The following TRIM2 variants were observed in gnomAD, a reference collection of about 807,000 sequenced individuals.
TRIM2 encodes tripartite motif containing 2, also known as tripartite motif-containing protein 2.
TRIM2 carries 20 observed loss-of-function variants against 75.2 expected under a neutral mutation model. The ratio of observed to expected loss-of-function variants is 0.27; its 90% CI spans 0.19 to 0.39. The LOEUF (loss-of-function observed/expected upper bound fraction) is 0.39. TRIM2 is among the 10% of genes least tolerant of loss of function. The probability of loss-of-function intolerance (pLI) is 1.00; values close to 1 mark genes in which losing one functional copy is unlikely to be tolerated. For synonymous variants in TRIM2, 373 were observed against 388.3 expected, an observed-to-expected ratio of 0.96 and a Z score of 0.46; for missense variants, 660 against 990.8, an observed-to-expected ratio of 0.67 and a Z score of 4.48.
At chr4:153,298,690 A>G (rs1763248574) in intron 6 of TRIM2, among the ~76,000 whole-genome samples, 1 of 152,114 alleles carries the variant, frequency 6.6e-6, no homozygotes, top group Admixed American at 6.6e-5. Context: ...TATAGAGAAC[A>G]CTTACAATCC....
At chr4:153,167,418 C>T (rs915366874) in intron 1 of TRIM2, among the ~76,000 whole-genome samples, 11 of 152,054 alleles carry the variant, frequency 7.2e-5, no homozygotes. Context: ...AAAAACATAC[C>T]ATGATTTGAG....
At chr4:153,180,538 C>T (rs931885970) in intron 1 of TRIM2, among the ~76,000 whole-genome samples, 13 of 152,346 alleles carry the variant, frequency 8.5e-5, no homozygotes, top group Middle Eastern at 3.4e-3. Flanking sequence ...AGTCTTGCTG[C>T]GCAATCTTGG....
rs919048878 is a variant in TRIM2, at chr4:153,339,238, C to T, written c.*4272C>T. On this transcript the variant is annotated 3_prime_UTR_variant, in exon 12 of 12. Coordinates refer to ENST00000338700, the MANE Select transcript of TRIM2 (RefSeq NM_015271.5). ...ACTTTCAATTAATTCTGTCTTGAAA[C>T]ATAGGAGAAACAGGATTCATGTGTA... The T allele has an allele frequency of 1.0e-6, 1 of 969,712 alleles. No homozygotes were observed. Among genetic ancestry groups the T allele is most frequent in the Non-Finnish European group, 1.2e-6 (1 of 815,326 alleles). The allele number at this position is 969,712 out of a possible 1,614,324, so 60.1% of individuals were successfully genotyped here. A position where few individuals can be genotyped will look rare whatever the true frequency, so the allele number is the denominator to read the frequency against.
intron 1 of TRIM2, among the ~76,000 whole-genome samples, chr4:153,206,901 G>A (rs775635578): frequency 1.6e-4 from 25 of 151,954 alleles, no homozygotes; most frequent in Non-Finnish European, 4.4e-5. Flanking sequence ...TTAAATTTGA[G>A]ACAGGGTCTT....
At chr4:153,303,831 T>G (rs571373038) in intron 6 of TRIM2, among the ~76,000 whole-genome samples, 2 of 152,340 alleles carry the variant, frequency 1.3e-5, no homozygotes, top group South Asian at 2.1e-4. Context: ...TTATATTTTT[T>G]GGGGTAATTT....
chr4:153,181,117 C>A (rs1732015794), intron 1 of TRIM2, among the ~76,000 whole-genome samples: 1 of 152,202 alleles, frequency 6.6e-6, no homozygotes, highest in Non-Finnish European at 1.5e-5. Flanking sequence ...ACAGGATGAG[C>A]TGGCATGATT....
At chr4:153,297,272 G>A (rs1762967744) in intron 6 of TRIM2, among the ~76,000 whole-genome samples, 1 of 152,138 alleles carries the variant, frequency 6.6e-6, no homozygotes, top group Non-Finnish European at 1.5e-5. Context: ...GTGCGATATG[G>A]GTGCAGGGGT....
At chr4:153,317,360 T>G (rs1259670396) in intron 8 of TRIM2, among the ~76,000 whole-genome samples, 2 of 151,744 alleles carry the variant, frequency 1.3e-5, no homozygotes, top group Non-Finnish European at 2.9e-5. Context: ...TTAAAAAAGA[T>G]CTATCTTGGC....
At chr4:153,153,951 C>T (rs1442589541) in intron 1 of TRIM2, among the ~76,000 whole-genome samples, 1 of 151,790 alleles carries the variant, frequency 6.6e-6, no homozygotes, top group Non-Finnish European at 1.5e-5. Context: ...CCTCCTTTCT[C>T]CCCAAAATAT....
At chr4:153,208,158 C>G (rs1735985895) in intron 1 of TRIM2, among the ~76,000 whole-genome samples, 1 of 152,006 alleles carries the variant, frequency 6.6e-6, no homozygotes, top group Non-Finnish European at 1.5e-5. Flanking sequence ...ATTAGCTGGG[C>G]ATGGTGGTAC....
intron 6 of TRIM2, among the ~76,000 whole-genome samples, chr4:153,297,696 T>A (rs1763040800): frequency 6.6e-6 from 1 of 152,138 alleles, no homozygotes; most frequent in Non-Finnish European, 1.5e-5. Flanking sequence ...CCCTAGGCCA[T>A]GTGCAGTGAA....
At chr4:153,321,242 A>T (rs1768907255) in intron 8 of TRIM2, among the ~76,000 whole-genome samples, 1 of 152,256 alleles carries the variant, frequency 6.6e-6, no homozygotes, top group Non-Finnish European at 1.5e-5. Context: ...ACTTGAGGGC[A>T]AGAGCTACGT....
At chr4:153,211,323 C>T (rs150630200) in intron 1 of TRIM2, among the ~76,000 whole-genome samples, 3 of 152,236 alleles carry the variant, frequency 2.0e-5, no homozygotes, top group Non-Finnish European at 4.4e-5. Context: ...GTCAGAGAAA[C>T]ATCTCAATAC....
At chr4:153,260,665 A>AACAC in intron 1 of TRIM2, among the ~76,000 whole-genome samples, 1 of 130,498 alleles carries the variant, frequency 7.7e-6, no homozygotes, top group South Asian at 2.8e-4. Context: ...TTCCCCCCAA[A>AACAC]ACACACACAC....
upstream of TRIM2, among the ~76,000 whole-genome samples, chr4:153,203,427 ACACACG>A (rs1333950813): frequency 1.3e-5 from 2 of 150,444 alleles, no homozygotes. Flanking sequence ...ACACACACAC[ACACACG>A]AAGAAGAACA....
upstream of TRIM2, among the ~76,000 whole-genome samples, chr4:153,202,623 C>T (rs995477787): frequency 1.3e-5 from 2 of 149,670 alleles, no homozygotes; most frequent in South Asian, 2.1e-4. Flanking sequence ...GGCCTGAACC[C>T]GAGAGGCGGA....
intron 1 of TRIM2, among the ~76,000 whole-genome samples, chr4:153,199,222 G>T (rs1306156305): frequency 2.6e-5 from 4 of 152,126 alleles, no homozygotes; most frequent in Admixed American, 2.6e-4. Flanking sequence ...TGTTTTCAAA[G>T]TCTCCTCTTC....
At chr4:153,307,712 G>T in intron 6 of TRIM2, 1 of 568,312 alleles carries the variant, frequency 1.8e-6, no homozygotes. Context: ...AGACCTGTTA[G>T]CTGGAAGCAT....
At chr4:153,280,313 A>ATT (rs1220136606) in intron 3 of TRIM2, among the ~76,000 whole-genome samples, 12 of 151,976 alleles carry the variant, frequency 7.9e-5, no homozygotes, top group South Asian at 2.1e-4. Context: ...ATAGAACAAA[A>ATT]AGAAAATCAT....
Sources: gnomAD v4.1 joint callset for allele counts (sites outside exome capture counted in the v4.1 genomes callset) on GRCh38, gnomAD v4.1.1 for gene constraint, MANE v1.5 for transcripts, NCBI Gene and HGNC (gene_info 2026-07-23, HGNC 2026-07-21) for gene names.